The following DCP2 variants were observed in gnomAD, a reference collection of about 807,000 sequenced individuals.
DCP2 encodes m7GpppN-mRNA hydrolase.
In DCP2, 30 loss-of-function variants were observed where a neutral mutation model predicts 56.1. The observed-to-expected ratio is 0.53, with a 90% confidence interval of 0.40 to 0.73. The LOEUF (loss-of-function observed/expected upper bound fraction) is 0.73. DCP2 is among the 30% of genes least tolerant of loss of function. The pLI is 0.00. For synonymous variants in DCP2, 197 were observed against 163.3 expected (o/e 1.21, Z -1.57); for missense variants, 533 against 502.7 (o/e 1.06, Z -0.58).
At position 112,976,879 on chromosome 5, in the gene DCP2, T is replaced by G; in HGVS notation, c.-55T>G. The G allele has an allele frequency of 6.3e-7, 1 of 1,589,140 alleles. No homozygotes were observed. The highest frequency in any genetic ancestry group is 8.6e-7 in the Non-Finnish European group (1 of 1,157,254). ...GAGCCGGAGTCCTAGTGCCGTACCGTCAGTCCCCGGCCGCGCGGAGCCGGG... is the reference window on the plus strand; with the variant it reads ...GAGCCGGAGTCCTAGTGCCGTACCGGCAGTCCCCGGCCGCGCGGAGCCGGG... On this transcript the variant is annotated 5_prime_UTR_variant, in exon 1 of 11. Coordinates refer to ENST00000389063, the MANE Select transcript of DCP2 (RefSeq NM_152624.6).
chr5:113,012,796 A>G (rs1033279708), intron 10 of DCP2, among the ~76,000 whole-genome samples: 2 of 152,068 alleles, frequency 1.3e-5, no homozygotes, highest in Admixed American at 6.6e-5. Flanking sequence ...GGCGTGTGCC[A>G]CCATGCCTGG....
At chr5:113,000,528 A>T (rs1203137762) in intron 4 of DCP2, among the ~76,000 whole-genome samples, 1 of 152,146 alleles carries the variant, frequency 6.6e-6, no homozygotes, top group Non-Finnish European at 1.5e-5. Context: ...ACCAGCCTTA[A>T]TTGTTAAAAT....
At chr5:112,999,584 C>G (rs1749036441) in intron 4 of DCP2, among the ~76,000 whole-genome samples, 1 of 151,540 alleles carries the variant, frequency 6.6e-6, no homozygotes, top group Admixed American at 6.6e-5. Context: ...CCTTGGCCTC[C>G]CCTTAGTGCT....
intron 10 of DCP2, among the ~76,000 whole-genome samples, chr5:113,013,044 G>A (rs1749743130): frequency 6.6e-6 from 1 of 152,168 alleles, no homozygotes; most frequent in Admixed American, 6.5e-5. Flanking sequence ...CATACAGGAG[G>A]TAAAGTTACG....
At chr5:112,999,089 TTTC>T (rs768098603) in intron 4 of DCP2, among the ~76,000 whole-genome samples, 36 of 152,342 alleles carry the variant, frequency 2.4e-4, no homozygotes, top group Non-Finnish European at 3.5e-4. Flanking sequence ...TCTTCAGTAC[TTTC>T]TTTTATTAAG....
chr5:112,978,087 C>CT (rs1469994418), intron 1 of DCP2, among the ~76,000 whole-genome samples: 1 of 152,142 alleles, frequency 6.6e-6, no homozygotes, highest in Admixed American at 6.5e-5. Context: ...AAACGAGTCT[C>CT]TGCCTCAGCC....
chr5:112,990,378 C>T (rs1025582859), intron 2 of DCP2, among the ~76,000 whole-genome samples: 3 of 152,086 alleles, frequency 2.0e-5, no homozygotes, highest in Admixed American at 1.3e-4. Flanking sequence ...CACTCAGCAA[C>T]GTGGATACAG....
At chr5:112,997,024 T>C (rs1748890345) in intron 4 of DCP2, among the ~76,000 whole-genome samples, 1 of 152,230 alleles carries the variant, frequency 6.6e-6, no homozygotes, top group Non-Finnish European at 1.5e-5. Flanking sequence ...CAAAGTTAGT[T>C]TTCTTCTAAA....
Position 112,982,104 on chromosome 5 carries a change from G to A in DCP2, c.54-3731G>A, listed in dbSNP as rs562781261. Among the ~76,000 whole-genome samples the A allele has an allele frequency of 3.8e-4, 58 of 152,246 alleles. No homozygotes were observed. The Middle Eastern group carries it at 0.01, about 27-fold the overall frequency. On this transcript the variant is annotated intron_variant, in intron 1 of 10. Coordinates refer to ENST00000389063, the MANE Select transcript of DCP2 (RefSeq NM_152624.6). ...TTCTTGAAATCCATTTTTTTGAGGG[G>A]AGGGGACAGTTGGCTTTCTGTTCTA...
At position 113,020,566 on chromosome 5, in the gene DCP2, C is replaced by G. The variant is rs1334608743; in HGVS notation, c.*7082C>G. The G allele has an allele frequency of 6.6e-6, 1 of 152,106 alleles. No individual in the cohort carries two copies. The highest frequency in any genetic ancestry group is 6.5e-5 in the Admixed American group (1 of 15,276). The allele number at this position is 152,106 out of a possible 1,614,324, so 9.4% of individuals were successfully genotyped here. Reference sequence around the variant, plus strand: ...GATTTATGTTGTTGTAGTTGAACAGCAACTGTTTTTTTCCCTCAGTGTTAA... The same window carrying G: ...GATTTATGTTGTTGTAGTTGAACAGGAACTGTTTTTTTCCCTCAGTGTTAA... On this transcript the variant is annotated 3_prime_UTR_variant, in exon 11 of 11. Transcript: ENST00000389063.
intron 7 of DCP2, among the ~76,000 whole-genome samples, chr5:113,003,624 T>C (rs1749280841): frequency 6.6e-6 from 1 of 152,196 alleles, no homozygotes; most frequent in Non-Finnish European, 1.5e-5. Flanking sequence ...AGATTTATAG[T>C]CTGCATATTT....
chr5:113,010,407 A>C (rs1749631948), intron 9 of DCP2, among the ~76,000 whole-genome samples: 1 of 151,836 alleles, frequency 6.6e-6, no homozygotes. Flanking sequence ...GTATGTTGGG[A>C]GGTGATTTTG....
At position 113,021,028 on chromosome 5, in the gene DCP2, T is replaced by C. The variant is rs948775289; in HGVS notation, c.*7544T>C. 1 of 152,200 alleles carries C rather than the reference T, an allele frequency of 6.6e-6. No individual in the cohort carries two copies. Among genetic ancestry groups the C allele is most frequent in the African/African-American group, 2.4e-5 (1 of 41,458 alleles). The allele number at this position is 152,200 out of a possible 1,614,324, so 9.4% of individuals were successfully genotyped here. On this transcript the variant is annotated 3_prime_UTR_variant, in exon 11 of 11. Coordinates refer to ENST00000389063, the MANE Select transcript of DCP2 (RefSeq NM_152624.6). ...TAGGTTCTGAGTTGCTCATTGTGGTTGCTCTTTGGACCAATAAAAATGGCA... is the reference window on the plus strand; with the variant it reads ...TAGGTTCTGAGTTGCTCATTGTGGTCGCTCTTTGGACCAATAAAAATGGCA...
At chr5:113,010,735 G>T (rs76293534) in intron 9 of DCP2, 21 bp from the exon 10 acceptor site, 35,091 of 1,014,470 alleles carry the variant, frequency 0.035, 191 homozygotes, top group African/African-American at 0.13. Context: ...GTGTGTGTGT[G>T]TTTTTTTTTT....
At chr5:112,992,063 T>A (rs926733086) in intron 2 of DCP2, 58 bp from the exon 3 acceptor site, 2 of 1,584,682 alleles carry the variant, frequency 1.3e-6, no homozygotes, top group African/African-American at 2.7e-5. Flanking sequence ...TCTCTTTCTG[T>A]ATATAATTTC....
Position 113,001,119 on chromosome 5 carries a change from T to C in DCP2, c.468T>C (p.Tyr156=), listed in dbSNP as rs909858090. 5.0e-6 allele frequency: 8 copies of C among 1,612,556 alleles called. No homozygotes were observed. The highest frequency in any genetic ancestry group is 5.9e-6 in the Non-Finnish European group (7 of 1,179,602). The change falls in exon 5 of 11, where the codon TAT becomes TAC. Residue 156 remains tyrosine, a synonymous_variant. Transcript: ENST00000389063. The part of the protein sequence containing the change: ...FEETGFDIKD[Y]ICKDDYIELR... ...AAACTGGTTTTGATATCAAAGACTATATTTGTAAGGATGATTACATTGAAC... is the reference window on the plus strand; with the variant it reads ...AAACTGGTTTTGATATCAAAGACTACATTTGTAAGGATGATTACATTGAAC...
In DCP2 at chr5:113,016,377, A is replaced by G. The variant is rs1232183144; in HGVS notation, c.*2893A>G. 6.6e-6 allele frequency: 1 copy of G among 152,408 alleles called. No homozygotes were observed. The highest frequency in any genetic ancestry group is 1.9e-4 in the East Asian group (1 of 5,196). The allele number at this position is 152,408 out of a possible 1,614,324, so 9.4% of individuals were successfully genotyped here. Reference sequence around the variant, plus strand: ...TGAAGTTGGATTTTTGTATTCATGTATAAAGGAAAGTCTCCCAGTGCTGTC... The same window carrying G: ...TGAAGTTGGATTTTTGTATTCATGTGTAAAGGAAAGTCTCCCAGTGCTGTC... On this transcript the variant is annotated 3_prime_UTR_variant, in exon 11 of 11. Coordinates refer to ENST00000389063, the MANE Select transcript of DCP2 (RefSeq NM_152624.6).
At chr5:112,978,977 A>G (rs1747863380) in intron 1 of DCP2, among the ~76,000 whole-genome samples, 2 of 152,178 alleles carry the variant, frequency 1.3e-5, no homozygotes, top group South Asian at 2.1e-4. Flanking sequence ...TAATTTGCAT[A>G]TTATCTAGGA....
intron 4 of DCP2, among the ~76,000 whole-genome samples, chr5:112,996,755 A>G (rs756740589): frequency 2.0e-5 from 3 of 152,124 alleles, no homozygotes; most frequent in Admixed American, 6.5e-5. Flanking sequence ...CCAATCTTCT[A>G]TTTGACCTTT....
Sources: gnomAD v4.1 joint callset for allele counts (sites outside exome capture counted in the v4.1 genomes callset) on GRCh38, gnomAD v4.1.1 for gene constraint, MANE v1.5 for transcripts, NCBI Gene and HGNC (gene_info 2026-07-23, HGNC 2026-07-21) for gene names.